Variants in NEDD4 observed in about 807,000 individuals in gnomAD.
The protein encoded by NEDD4 is NEDD4 E3 ubiquitin protein ligase, also known as E3 ubiquitin-protein ligase NEDD4.
In NEDD4, 99 loss-of-function variants were observed where a neutral mutation model predicts 144.9. That is an observed-to-expected ratio of 0.68 (90% CI 0.58 to 0.81). The LOEUF is 0.81. NEDD4 is among the 30% of genes least tolerant of loss of function. The pLI is 0.00. For synonymous variants in NEDD4, 318 were observed against 350.6 expected (o/e 0.91, Z 1.04); for missense variants, 985 against 1,065.9 (o/e 0.92, Z 1.06).
chr15:55,909,241 T>C (rs2036195187), intron 5 of NEDD4, among the ~76,000 whole-genome samples: 1 of 152,220 alleles, frequency 6.6e-6, no homozygotes, highest in African/African-American at 2.4e-5. Context: ...ACATACACAC[T>C]AGCTGGTTGC....
intron 1 of NEDD4, among the ~76,000 whole-genome samples, chr15:55,968,726 C>A (rs1595881620): frequency 6.6e-6 from 1 of 152,256 alleles, no homozygotes; most frequent in East Asian, 1.9e-4. Context: ...GTTTGACATG[C>A]TTACTAAAGT....
At chr15:55,899,872 T>G (rs965695200) in intron 5 of NEDD4, among the ~76,000 whole-genome samples, 19 of 152,358 alleles carry the variant, frequency 1.2e-4, no homozygotes, top group African/African-American at 3.8e-4. Context: ...TAATTTAAGC[T>G]AATTTAAATC....
In NEDD4 at chr15:55,829,673, T is replaced by TGA. The variant is rs2032851871; in HGVS notation, c.*223_*224insTC. 1 of 401,394 alleles carries TGA rather than the reference T, an allele frequency of 2.5e-6. No individual in the cohort carries two copies. Among genetic ancestry groups the TGA allele is most frequent in the African/African-American group, 2.1e-5 (1 of 48,736 alleles). The allele number at this position is 401,394 out of a possible 1,614,324, so 24.9% of individuals were successfully genotyped here. A position where few individuals can be genotyped will look rare whatever the true frequency, so the allele number is the denominator to read the frequency against. On this transcript the variant is annotated 3_prime_UTR_variant, in exon 29 of 29. Coordinates refer to ENST00000435532, the MANE Select transcript of NEDD4 (RefSeq NM_006154.4). ...TGGTGCCTGGCTTTAGGCAGGCACCTAACTCTAAAGACAGCATGAAACAAC... is the reference window on the plus strand; with the variant it reads ...TGGTGCCTGGCTTTAGGCAGGCACCTGAAACTCTAAAGACAGCATGAAACAAC...
At chr15:55,927,236 A>G (rs1396841457) in intron 4 of NEDD4, among the ~76,000 whole-genome samples, 2 of 152,164 alleles carry the variant, frequency 1.3e-5, no homozygotes, top group African/African-American at 4.8e-5. Context: ...GAACATGCAC[A>G]GCAAGGTCAC....
At chr15:55,963,128 CTTTTT>C (rs754905603) in intron 2 of NEDD4, among the ~76,000 whole-genome samples, 1 of 142,656 alleles carries the variant, frequency 7.0e-6, no homozygotes, top group Non-Finnish European at 1.5e-5. Flanking sequence ...TTCTGGCACT[CTTTTT>C]TATTTTTTTT....
At chr15:55,853,477 G>A (rs1378006920) in intron 12 of NEDD4, among the ~76,000 whole-genome samples, 1 of 152,168 alleles carries the variant, frequency 6.6e-6, no homozygotes, top group Non-Finnish European at 1.5e-5. Flanking sequence ...TTAGCCAAAA[G>A]GCCGAGAGTA....
rs143030927 is a variant in NEDD4 at position 55,836,283 on chromosome 15, C to T, written c.2262+1506G>A. On this transcript the variant is annotated intron_variant, in intron 24 of 28. Transcript: ENST00000435532. Reference sequence around the variant, plus strand: ...AGGACCTATGTCTTTTGGCCTGGTACAGCACCATACACATAGTACTCAATA... The same window carrying T: ...AGGACCTATGTCTTTTGGCCTGGTATAGCACCATACACATAGTACTCAATA... Among the ~76,000 whole-genome samples the T allele has an allele frequency of 1.9e-3, 288 of 151,990 alleles. 1 individual carries two copies. Among genetic ancestry groups the T allele is most frequent in the African/African-American group, 6.7e-3 (277 of 41,452 alleles).
intron 21 of NEDD4, among the ~76,000 whole-genome samples, chr15:55,839,179 C>T (rs1349840077): frequency 6.6e-6 from 1 of 151,940 alleles, no homozygotes; most frequent in Non-Finnish European, 1.5e-5. Flanking sequence ...CAGGCGCGCA[C>T]CACCACGCCT....
At chr15:55,916,785 G>A in intron 5 of NEDD4, 1 of 1,611,696 alleles carries the variant, frequency 6.2e-7, no homozygotes. Context: ...CAAAGGGTAA[G>A]TATTGCTTCT....
At chr15:55,975,432 TTTTAA>T (rs1350548101) in intron 1 of NEDD4, among the ~76,000 whole-genome samples, 12 of 152,296 alleles carry the variant, frequency 7.9e-5, no homozygotes, top group South Asian at 2.1e-4. Flanking sequence ...GTAGCATTTA[TTTTAA>T]TTTAAGAAAC....
intron 1 of NEDD4, among the ~76,000 whole-genome samples, chr15:55,980,144 C>A (rs111862916): frequency 0.037 from 5,574 of 152,210 alleles, 114 homozygotes; most frequent in African/African-American, 0.05. Flanking sequence ...GTTGGCCAGG[C>A]TGATCTTGAA....
intron 7 of NEDD4, among the ~76,000 whole-genome samples, chr15:55,871,894 A>G: frequency 6.6e-6 from 1 of 152,274 alleles, no homozygotes; most frequent in South Asian, 2.1e-4. Context: ...GTTACAGCTT[A>G]AATTTAAATT....
intron 8 of NEDD4, among the ~76,000 whole-genome samples, chr15:55,868,347 T>C (rs572580007): frequency 2.0e-5 from 3 of 152,334 alleles, no homozygotes; most frequent in East Asian, 1.9e-4. Context: ...CCATACGCTG[T>C]GTGCTTTGCT....
intron 24 of NEDD4, among the ~76,000 whole-genome samples, chr15:55,835,883 G>A (rs1480998896): frequency 6.6e-6 from 1 of 152,120 alleles, no homozygotes; most frequent in Non-Finnish European, 1.5e-5. Context: ...TGTCTTATTG[G>A]TTAATAGCCT....
chr15:55,854,868 G>T (rs996871805), intron 12 of NEDD4, among the ~76,000 whole-genome samples: 1 of 152,180 alleles, frequency 6.6e-6, no homozygotes. Context: ...AGATTCTGCT[G>T]CTCATCCGGT....
intron 5 of NEDD4, among the ~76,000 whole-genome samples, chr15:55,877,781 T>A (rs542548761): frequency 6.6e-6 from 1 of 152,176 alleles, no homozygotes; most frequent in African/African-American, 2.4e-5. Flanking sequence ...CTAATTTATA[T>A]CATCATAGAC....
At chr15:55,935,743 A>T (rs2036875437) in intron 4 of NEDD4, among the ~76,000 whole-genome samples, 1 of 149,098 alleles carries the variant, frequency 6.7e-6, no homozygotes, top group African/African-American at 2.5e-5. Context: ...GCTACTCGGG[A>T]GGCTGCGGCA....
rs766827149 is a variant in NEDD4, at chr15:55,834,229, C to A, written c.2320G>T (p.Glu774Ter). 8.7e-6 allele frequency: 14 copies of A among 1,609,356 alleles called. No homozygotes were observed. The stretch of plus-strand genomic sequence containing the variant: ...CAACATAAAATGTTATGTCTTACCT[C>A]TAGTTCATTTTCATCAAAAATTTTG... ...LIKIFDENELELLMCGLGDVD... is the reference protein window; with the variant it reads ...LIKIFDENEL The change falls in exon 25 of 29, where the codon GAG (glutamate) becomes TAG (stop). Residue 774 changes from glutamate to a stop codon, truncating the protein, a stop_gained and splice_region_variant. Coordinates refer to ENST00000435532, the MANE Select transcript of NEDD4 (RefSeq NM_006154.4). LOFTEE classifies it high-confidence loss of function.
intron 5 of NEDD4, among the ~76,000 whole-genome samples, chr15:55,907,976 C>T (rs1283232241): frequency 6.6e-6 from 1 of 152,174 alleles, no homozygotes; most frequent in Non-Finnish European, 1.5e-5. Flanking sequence ...ATTCCATTGG[C>T]ATTCACCCCA....
Sources: allele counts gnomAD v4.1 joint callset (sites outside exome capture counted in the v4.1 genomes callset), GRCh38; gene constraint gnomAD v4.1.1; transcripts MANE v1.5; gene names NCBI Gene and HGNC (gene_info 2026-07-23, HGNC 2026-07-21).